The following FGF20 variants were observed in gnomAD, a reference collection of about 807,000 sequenced individuals.
FGF20 encodes the protein fibroblast growth factor 20.
FGF20 carries 8 observed loss-of-function variants against 16.7 expected under a neutral mutation model. That is an observed-to-expected ratio of 0.48 (90% confidence interval 0.28 to 0.87). The LOEUF is 0.87. Among genes scored for constraint, FGF20 ranks in the 40% least tolerant of loss-of-function variants. The pLI is 0.10. For missense variants in FGF20, 397 were observed against 281.4 expected (o/e 1.41, Z -2.94); for synonymous variants, 161 against 118.6 (o/e 1.36, Z -2.32).
intron 2 of FGF20, among the ~76,000 whole-genome samples, chr8:16,993,999 T>C (rs991098571): frequency 1.3e-5 from 2 of 152,164 alleles, no homozygotes; most frequent in African/African-American, 2.4e-5. Context: ...GCCCAGTTTT[T>C]AACAGGCCAC....
intron 2 of FGF20, 63 bp from the exon 3 acceptor site, chr8:16,993,380 G>T: frequency 7.0e-7 from 1 of 1,424,250 alleles, no homozygotes; most frequent in East Asian, 2.3e-5. Context: ...TTCCTTACAA[G>T]TTTCAACTCT....
intron 1 of FGF20, among the ~76,000 whole-genome samples, chr8:16,999,344 G>T (rs984203004): frequency 1.1e-4 from 17 of 152,036 alleles, no homozygotes; most frequent in Non-Finnish European, 2.1e-4. Context: ...TGATAATTCT[G>T]ATATTCAACT....
chr8:16,995,333 A>G (rs945540691), intron 2 of FGF20, among the ~76,000 whole-genome samples: 4 of 152,268 alleles, frequency 2.6e-5, no homozygotes, highest in African/African-American at 7.2e-5. Flanking sequence ...AGAGTCTAAC[A>G]TGGCAAGAAA....
intron 2 of FGF20, among the ~76,000 whole-genome samples, chr8:16,994,978 C>T (rs1159288178): frequency 6.6e-6 from 1 of 151,772 alleles, no homozygotes; most frequent in African/African-American, 2.4e-5. Flanking sequence ...CAGATTTGTT[C>T]TAAAAACAAA....
intron 1 of FGF20, among the ~76,000 whole-genome samples, chr8:16,997,547 G>C (rs992696197): frequency 7.9e-5 from 12 of 152,188 alleles, no homozygotes; most frequent in African/African-American, 2.2e-4. Context: ...TTCTTAGCAA[G>C]ACAAATGAGC....
In FGF20 at chr8:17,001,781, G is replaced by C. The variant is rs1473311716; in HGVS notation, c.252C>G (p.Ser84Arg). 1 of 1,573,064 alleles carries C rather than the reference G, an allele frequency of 6.4e-7. No homozygotes were observed. ...TGTGGTCCTGCCGGGTGCCCTGCACGCTGCCGTCGGGCAGGATCTGCAGGT... is the reference window on the plus strand; with the variant it reads ...TGTGGTCCTGCCGGGTGCCCTGCACCCTGCCGTCGGGCAGGATCTGCAGGT... ...GFHLQILPDG[S>R]VQGTRQDHSL... is the part of the protein sequence containing the mutation. The change falls in exon 1 of 3, where the codon AGC (serine) becomes AGG (arginine). Residue 84 changes from serine to arginine, a missense_variant. Transcript: ENST00000180166.
At chr8:16,997,997 A>C (rs576115284) in intron 1 of FGF20, among the ~76,000 whole-genome samples, 2 of 152,320 alleles carry the variant, frequency 1.3e-5, no homozygotes, top group African/African-American at 4.8e-5. Flanking sequence ...CTTGTCTTTC[A>C]AAGAACAGGA....
chr8:17,002,082 G>C lies in FGF20; in HGVS notation c.-50C>G, dbSNP rs777650687. The C allele has an allele frequency of 4.1e-6, 6 of 1,479,966 alleles. No individual in the cohort carries two copies. The highest frequency in any genetic ancestry group is 5.4e-6 in the Non-Finnish European group (6 of 1,118,740). 91.7% of individuals were successfully genotyped at this position (1,479,966 alleles called of 1,614,324 possible). On this transcript the variant is annotated 5_prime_UTR_variant, in exon 1 of 3. Coordinates refer to ENST00000180166, the MANE Select transcript of FGF20 (RefSeq NM_019851.3). ...AGACCCCCCCAGTAAAGAGTGTTGT[G>C]GGGGTGGGATGGAGGTGGATAGAGA...
chr8:16,993,380 G>A, intron 2 of FGF20, 63 bp from the exon 3 acceptor site: 2 of 1,424,254 alleles, frequency 1.4e-6, no homozygotes, highest in South Asian at 2.7e-5. Flanking sequence ...TTCCTTACAA[G>A]TTTCAACTCT....
At position 16,995,774 on chromosome 8, in the gene FGF20, A is replaced by G; in HGVS notation, c.287-16T>C. 7.0e-7 allele frequency: 1 copy of G among 1,422,256 alleles called. No homozygotes were observed. Among genetic ancestry groups the G allele is most frequent in the Non-Finnish European group, 9.8e-7 (1 of 1,017,284 alleles). The allele number at this position is 1,422,256 out of a possible 1,614,324, so 88.1% of individuals were successfully genotyped here. A position where few individuals can be genotyped will look rare whatever the true frequency, so the allele number is the denominator to read the frequency against. On this transcript the variant is annotated splice_polypyrimidine_tract_variant and intron_variant, in intron 1 of 2. Coordinates refer to ENST00000180166, the MANE Select transcript of FGF20 (RefSeq NM_019851.3). ...TCCAAGATACCTGCATATGTAAACA[A>G]TTCATAAAAACACCATGTTTTGTAT...
In FGF20 at chr8:16,993,238, T is replaced by C; in HGVS notation, c.470A>G (p.Lys157Arg). Reference sequence around the variant, plus strand: ...ATACCTGCGGCCAGTGTCTCCATGTTTATATATGTTAGATGAATAGGTGTT... The same window carrying C: ...ATACCTGCGGCCAGTGTCTCCATGTCTATATATGTTAGATGAATAGGTGTT... ...WYNTYSSNIY[K>R]HGDTGRRYFV... The change falls in exon 3 of 3, where the codon AAA becomes AGA. Residue 157 changes from lysine to arginine, a missense_variant. Transcript: ENST00000180166. 4 of 1,614,124 alleles carry C rather than the reference T, an allele frequency of 2.5e-6. No individual in the cohort carries two copies. Among genetic ancestry groups the C allele is most frequent in the Non-Finnish European group, 3.4e-6 (4 of 1,180,006 alleles).
Position 17,002,014 on chromosome 8 carries a change from C to G in FGF20, c.19G>C (p.Val7Leu). Residue 7 changes from valine (V) to leucine (L), a missense_variant, in exon 1 of 3, where the codon GTC (valine) becomes CTC (leucine). By Grantham distance (32) the Val-to-Leu change is conservative (BLOSUM62 1). Transcript: ENST00000180166. Reference protein sequence around the residue: MAPLAEVGGFLGGLEGL... With the variant: MAPLAELGGFLGGLEGL... The stretch of plus-strand genomic sequence containing the variant: ...TCCAGGCCGCCCAGAAAGCCCCCGA[C>G]TTCGGCTAAGGGAGCCATGGAGGGG... The G allele has an allele frequency of 1.3e-6, 2 of 1,537,434 alleles. No individual in the cohort carries two copies. Among genetic ancestry groups the G allele is most frequent in the Non-Finnish European group, 1.8e-6 (2 of 1,142,586 alleles).
Position 17,001,899 on chromosome 8 carries a change from T to TCCGCC in FGF20, c.129_133dup (p.Glu45GlyfsTer79). On this transcript the variant is annotated frameshift_variant, in exon 1 of 3. Transcript: ENST00000180166. LOFTEE classifies it high-confidence loss of function. Reference sequence around the variant, plus strand: ...CCCCGGCCCGCCGCGCGCGCTCCGCTCCGCCGCGCTCCTGCGCTCGCCCAG... The same window carrying TCCGCC: ...CCCCGGCCCGCCGCGCGCGCTCCGCTCCGCCCCGCCGCGCTCCTGCGCTCGCCCAG... 6.8e-7 allele frequency: 1 copy of TCCGCC among 1,462,340 alleles called. No individual in the cohort carries two copies. Among genetic ancestry groups the TCCGCC allele is most frequent in the Non-Finnish European group, 9.0e-7 (1 of 1,109,916 alleles). 90.6% of individuals were successfully genotyped at this position (1,462,340 alleles called of 1,614,324 possible). A position where few individuals can be genotyped will look rare whatever the true frequency, so the allele number is the denominator to read the frequency against.
chr8:17,002,168 G>T lies in FGF20; in HGVS notation c.-136C>A. On this transcript the variant is annotated 5_prime_UTR_variant, in exon 1 of 3. Transcript: ENST00000180166. ...CCGGTTACTCCTCTGAGGTCGCTCC[G>T]GAGGGACTTTGCACTGAAATGGCAG... 1.2e-6 allele frequency: 1 copy of T among 866,564 alleles called. No individual in the cohort carries two copies. The highest frequency in any genetic ancestry group is 1.6e-6 in the Non-Finnish European group (1 of 623,796). The allele number at this position is 866,564 out of a possible 1,614,324, so 53.7% of individuals were successfully genotyped here. A position where few individuals can be genotyped will look rare whatever the true frequency, so the allele number is the denominator to read the frequency against.
At chr8:17,000,990 C>T (rs970209589) in intron 1 of FGF20, among the ~76,000 whole-genome samples, 2 of 152,074 alleles carry the variant, frequency 1.3e-5, no homozygotes, top group East Asian at 3.9e-4. Flanking sequence ...CAAAGAGGAG[C>T]TTGGCTGAAG....
At chr8:16,999,169 C>T (rs956451818) in intron 1 of FGF20, among the ~76,000 whole-genome samples, 5 of 152,180 alleles carry the variant, frequency 3.3e-5, no homozygotes, top group African/African-American at 1.2e-4. Context: ...CCATTCACTC[C>T]CAGACTAATC....
chr8:17,001,996 C>G lies in FGF20; in HGVS notation c.37G>C (p.Gly13Arg), dbSNP rs761291744. 2.6e-6 allele frequency: 4 copies of G among 1,529,798 alleles called. No individual in the cohort carries two copies. The highest frequency in any genetic ancestry group is 2.0e-5 in the Admixed American group (1 of 48,848). 94.8% of individuals were successfully genotyped at this position (1,529,798 alleles called of 1,614,324 possible). Residue 13 changes from glycine to arginine, a missense_variant, in exon 1 of 3, where the codon GGC (glycine) becomes CGC (arginine). Transcript: ENST00000180166. ...PLAEVGGFLG[G>R]LEGLGQQVGS... ...ACCTGCTGGCCCAAGCCCTCCAGGC[C>G]GCCCAGAAAGCCCCCGACTTCGGCT...
At chr8:16,998,188 A>C (rs1227936928) in intron 1 of FGF20, among the ~76,000 whole-genome samples, 3 of 152,214 alleles carry the variant, frequency 2.0e-5, no homozygotes, top group Non-Finnish European at 2.9e-5. Flanking sequence ...CTTGCCGAAA[A>C]AATATGTAGC....
Position 16,995,773 on chromosome 8 carries a change from A to G in FGF20, c.287-15T>C. 7.0e-7 allele frequency: 1 copy of G among 1,423,824 alleles called. No homozygotes were observed. The highest frequency in any genetic ancestry group is 1.9e-5 in the Admixed American group (1 of 53,780). The allele number at this position is 1,423,824 out of a possible 1,614,324, so 88.2% of individuals were successfully genotyped here. A position where few individuals can be genotyped will look rare whatever the true frequency, so the allele number is the denominator to read the frequency against. On this transcript the variant is annotated splice_polypyrimidine_tract_variant and intron_variant, in intron 1 of 2. Transcript: ENST00000180166. Reference sequence around the variant, plus strand: ...TTCCAAGATACCTGCATATGTAAACAATTCATAAAAACACCATGTTTTGTA... The same window carrying G: ...TTCCAAGATACCTGCATATGTAAACGATTCATAAAAACACCATGTTTTGTA...
Sources: gnomAD v4.1 joint callset for allele counts (sites outside exome capture counted in the v4.1 genomes callset) on GRCh38, gnomAD v4.1.1 for gene constraint, MANE v1.5 for transcripts, NCBI Gene and HGNC (gene_info 2026-07-23, HGNC 2026-07-21) for gene names.